NUP98: variants seen among roughly 807,000 people sequenced by gnomAD.
The protein encoded by NUP98 is nuclear pore complex protein Nup98-Nup96.
A neutral mutation model predicts 191.9 loss-of-function variants in NUP98; 26 were observed. The observed-to-expected ratio is 0.14, with a 90% CI of 0.10 to 0.19. NUP98 has a LOEUF of 0.19. Among genes scored for constraint, NUP98 ranks in the 10% least tolerant of loss-of-function variants. The pLI is 1.00. For synonymous variants in NUP98, 808 were observed against 778.4 expected (o/e 1.04, Z -0.63); for missense variants, 1,941 against 2,178.8 (o/e 0.89, Z 2.17).
rs1221605989 is a variant in NUP98 at position 3,675,264 on chromosome 11, A to C, written c.*895T>G. ...GGCCCTCTGCCTGCCCCTAACGCCC[A>C]ACTCCATGCCTGCCTCAGTCATGGT... On this transcript the variant is annotated 3_prime_UTR_variant, in exon 33 of 33. Coordinates refer to ENST00000324932, the MANE Select transcript of NUP98 (RefSeq NM_016320.5). The C allele has an allele frequency of 1.4e-5, 3 of 219,586 alleles. No individual in the cohort carries two copies. The Admixed American group carries it at 1.7e-4, about 13-fold the overall frequency. The allele number at this position is 219,586 out of a possible 1,614,324, so 13.6% of individuals were successfully genotyped here.
chr11:3,676,386 A>C lies in NUP98; in HGVS notation c.5186-10T>G. 1 of 1,613,870 alleles carries C rather than the reference A, an allele frequency of 6.2e-7. No homozygotes were observed. Among genetic ancestry groups the C allele is most frequent in the Non-Finnish European group, 8.5e-7 (1 of 1,179,824 alleles). ...ACACGTTTGGCCATGTCTAGAGAGA[A>C]AAACTAGAGTCAAGCACTGAGCATG... On this transcript the variant is annotated splice_polypyrimidine_tract_variant and intron_variant, in intron 32 of 32. Coordinates refer to ENST00000324932, the MANE Select transcript of NUP98 (RefSeq NM_016320.5).
intron 8 of NUP98, among the ~76,000 whole-genome samples, chr11:3,764,503 C>T (rs556123993): frequency 6.6e-6 from 1 of 152,176 alleles, no homozygotes; most frequent in African/African-American, 2.4e-5. Flanking sequence ...TTTTGAGGAA[C>T]CACCAAACTG....
At chr11:3,752,432 G>A (rs558775823) in intron 11 of NUP98, among the ~76,000 whole-genome samples, 1 of 151,450 alleles carries the variant, frequency 6.6e-6, no homozygotes, top group South Asian at 2.1e-4. Context: ...GAGGAGAATT[G>A]CTTCAACCTG....
At chr11:3,700,878 T>G (rs1472360406) in intron 23 of NUP98, 39 bp from the exon 24 acceptor site, 4 of 1,412,538 alleles carry the variant, frequency 2.8e-6, no homozygotes, top group Non-Finnish European at 3.9e-6. Context: ...AAAATGAACC[T>G]AAGACAGAAG....
chr11:3,688,095 T>C (rs985421958), intron 28 of NUP98, among the ~76,000 whole-genome samples: 1 of 150,046 alleles, frequency 6.7e-6, no homozygotes, highest in Non-Finnish European at 1.5e-5. Flanking sequence ...CTGAACAGTA[T>C]GCTTAAAATG....
intron 14 of NUP98, among the ~76,000 whole-genome samples, chr11:3,729,241 G>T (rs1190424814): frequency 6.6e-6 from 1 of 152,064 alleles, no homozygotes; most frequent in Non-Finnish European, 1.5e-5. Context: ...CAACAACTGA[G>T]CCAAGGGCAT....
At position 3,704,931 on chromosome 11, in the gene NUP98, C is replaced by A. The variant is rs2078814222; in HGVS notation, c.3082+269G>T. ...GGCTGAGACAGGAGGACTGCTTGAG[C>A]CCAAGAGTTCAAGGCTGTAGTAAGT... On this transcript the variant is annotated intron_variant, in intron 22 of 32. Transcript: ENST00000324932. 2.6e-5 allele frequency among the ~76,000 whole-genome samples: 4 copies of A among 152,208 alleles called. No homozygotes were observed. The South Asian group carries it at 8.3e-4, about 32-fold the overall frequency.
At chr11:3,785,651 C>G (rs531651602) in intron 1 of NUP98, among the ~76,000 whole-genome samples, 17 of 152,148 alleles carry the variant, frequency 1.1e-4, no homozygotes, top group Non-Finnish European at 1.9e-4. Flanking sequence ...TCCAGCTACT[C>G]GGGTGGCTAA....
chr11:3,691,639 C>T lies in NUP98; in HGVS notation c.4312-150G>A, dbSNP rs138919443. The T allele has an allele frequency of 1.1e-3, 752 of 703,356 alleles. 8 individuals carry two copies. The African/African-American group carries it at 0.012, about 11-fold the overall frequency. 43.6% of individuals were successfully genotyped at this position (703,356 alleles called of 1,614,324 possible). On this transcript the variant is annotated intron_variant, in intron 27 of 32. Transcript: ENST00000324932. ...GACAATCTCGGCTCACTGCAACCTC[C>T]GCTTCCCAGATTCAAACAATTCTCC...
Position 3,729,998 on chromosome 11 carries a change from T to G in NUP98, c.1730+1393A>C, listed in dbSNP as rs563399752. Among the ~76,000 whole-genome samples the G allele has an allele frequency of 3.9e-5, 6 of 151,990 alleles. No individual in the cohort carries two copies. In the South Asian group the frequency reaches 1.0e-3, roughly 26 times the overall value. On this transcript the variant is annotated intron_variant, in intron 14 of 32. Coordinates refer to ENST00000324932, the MANE Select transcript of NUP98 (RefSeq NM_016320.5). ...GGCTCACACCAGTAATCCCAGCACT[T>G]TGGGAGTCTGAGGCAGGTGAATTAT...
At chr11:3,677,418 T>TTG (rs918997664) in intron 31 of NUP98, among the ~76,000 whole-genome samples, 8 of 151,068 alleles carry the variant, frequency 5.3e-5, no homozygotes, top group South Asian at 2.1e-4. Context: ...AGGTTTTTTT[T>TTG]TTTTTTTTTT....
chr11:3,727,793 G>A (rs11029529), intron 14 of NUP98, among the ~76,000 whole-genome samples: 14,809 of 152,044 alleles, frequency 0.097, 1,529 homozygotes, highest in African/African-American at 0.26. Context: ...GGAAACTGAG[G>A]TGGCAGGATC....
intron 12 of NUP98, among the ~76,000 whole-genome samples, chr11:3,739,053 A>G (rs1419458848): frequency 2.0e-5 from 3 of 152,130 alleles, no homozygotes; most frequent in Non-Finnish European, 4.4e-5. Context: ...AAAAGTAAAT[A>G]CAATTACCTT....
chr11:3,786,741 T>C (rs1308975891), intron 1 of NUP98, among the ~76,000 whole-genome samples: 3 of 152,216 alleles, frequency 2.0e-5, no homozygotes, highest in Admixed American at 1.3e-4. Flanking sequence ...CTGGGTACAA[T>C]GACAAAACTT....
At chr11:3,768,356 G>A (rs1014474165) in intron 8 of NUP98, among the ~76,000 whole-genome samples, 4 of 151,070 alleles carry the variant, frequency 2.6e-5, no homozygotes, top group Admixed American at 2.0e-4. Context: ...GGGAGGCGGA[G>A]CTTGCAGTGA....
chr11:3,777,393 C>T (rs969176358), intron 4 of NUP98, among the ~76,000 whole-genome samples: 13 of 152,028 alleles, frequency 8.6e-5, no homozygotes, highest in African/African-American at 2.2e-4. Context: ...GAGGCCAAGG[C>T]GGGTGGATCA....
rs760741573 is a variant in NUP98, at chr11:3,702,642, C to T, written c.3333G>A (p.Lys1111=). The T allele has an allele frequency of 1.2e-6, 2 of 1,614,120 alleles. No homozygotes were observed. The highest frequency in any genetic ancestry group is 1.7e-5 in the Admixed American group (1 of 60,016). ...VPREKSVTYG[K]GKLLMDMALF... ...GGGCCATGTCCATCAAGAGTTTTCC[C>T]TTGCCATAGGTGACAGACTTTTCAC... Residue 1111 remains lysine, a synonymous_variant, in exon 23 of 33, where the codon AAG becomes AAA. Coordinates refer to ENST00000324932, the MANE Select transcript of NUP98 (RefSeq NM_016320.5).
chr11:3,760,246 G>T (rs2081120947), intron 10 of NUP98: 1 of 425,046 alleles, frequency 2.4e-6, no homozygotes, highest in African/African-American at 2.0e-5. Context: ...TTAACCAAAT[G>T]TGTTTCCTTT....
intron 1 of NUP98, among the ~76,000 whole-genome samples, chr11:3,782,443 C>CT (rs1589963432): frequency 6.6e-6 from 1 of 151,134 alleles, no homozygotes; most frequent in Non-Finnish European, 1.5e-5. Flanking sequence ...CCTAAGTCCC[C>CT]TTTTTAATCA....
Sources: allele counts gnomAD v4.1 joint callset (sites outside exome capture counted in the v4.1 genomes callset), GRCh38; gene constraint gnomAD v4.1.1; transcripts MANE v1.5; gene names NCBI Gene and HGNC (gene_info 2026-07-23, HGNC 2026-07-21).